Variants in RORA observed in about 807,000 individuals in gnomAD.
RORA encodes the protein RAR related orphan receptor A, also known as nuclear receptor ROR-alpha.
RORA carries 7 observed loss-of-function variants against 69.5 expected under a neutral mutation model. The ratio of observed to expected loss-of-function variants is 0.10; its 90% CI spans 0.06 to 0.19. The LOEUF (loss-of-function observed/expected upper bound fraction) is 0.19. Among genes scored for constraint, RORA ranks in the 10% least tolerant of loss-of-function variants. RORA has a pLI of 1.00. For missense variants in RORA, 457 were observed against 663.0 expected (o/e 0.69, Z 3.41); for synonymous variants, 261 against 240.8 (o/e 1.08, Z -0.78).
chr15:61,096,127 A>G (rs961423836), intron 1 of RORA, among the ~76,000 whole-genome samples: 24 of 152,210 alleles, frequency 1.6e-4, no homozygotes, highest in African/African-American at 5.8e-4. Flanking sequence ...GCAAGACCCC[A>G]TGCGGACAGC....
intron 1 of RORA, among the ~76,000 whole-genome samples, chr15:61,025,244 C>T (rs1290937599): frequency 6.6e-6 from 1 of 152,200 alleles, no homozygotes. Flanking sequence ...TCTCCACAGG[C>T]TTCTCAAATC....
chr15:60,835,622 TATGA>T (rs1205481570), intron 1 of RORA, among the ~76,000 whole-genome samples: 2 of 152,204 alleles, frequency 1.3e-5, no homozygotes, highest in Non-Finnish European at 2.9e-5. Context: ...GATTTCAGGT[TATGA>T]CCATCTCTAT....
intron 1 of RORA, among the ~76,000 whole-genome samples, chr15:61,058,843 T>C (rs1312748151): frequency 6.6e-6 from 1 of 152,158 alleles, no homozygotes; most frequent in Non-Finnish European, 1.5e-5. Flanking sequence ...TGTTTAAGCA[T>C]CCAAAGCCCA....
At chr15:60,910,081 T>C (rs940034178) in intron 1 of RORA, among the ~76,000 whole-genome samples, 1 of 152,174 alleles carries the variant, frequency 6.6e-6, no homozygotes, top group African/African-American at 2.4e-5. Flanking sequence ...CTACCCAACA[T>C]GCCAATAAAA....
intron 1 of RORA, among the ~76,000 whole-genome samples, chr15:60,759,885 C>T (rs531052247): frequency 6.6e-6 from 1 of 152,110 alleles, no homozygotes; most frequent in South Asian, 2.1e-4. Context: ...CTATTTTCCC[C>T]CATTGAGGAG....
At chr15:60,499,780 G>C in intron 10 of RORA, 112 bp downstream of exon 10, 1 of 617,062 alleles carries the variant, frequency 1.6e-6, no homozygotes, top group South Asian at 2.3e-5. Flanking sequence ...GTAGCCTGTT[G>C]CCTTCTGATA....
At chr15:60,906,641 C>T (rs1265539267) in intron 1 of RORA, among the ~76,000 whole-genome samples, 3 of 152,136 alleles carry the variant, frequency 2.0e-5, no homozygotes, top group Admixed American at 1.3e-4. Flanking sequence ...CAGAGGCAAA[C>T]AAGTGATTTA....
chr15:60,901,368 C>T (rs938180722), intron 1 of RORA, among the ~76,000 whole-genome samples: 11 of 152,274 alleles, frequency 7.2e-5, no homozygotes, highest in African/African-American at 2.4e-4. Flanking sequence ...GATGGGGTTT[C>T]GCCATGCTGG....
chr15:60,889,033 G>A lies in RORA; in HGVS notation c.167-210347C>T, dbSNP rs970397624. ...TCACGCTGTTTAAGAGATGCTTAAG[G>A]AAAATGGGGCCACCTCAGAGGCACC... On this transcript the variant is annotated intron_variant, in intron 1 of 10. Transcript: ENST00000335670. 4.6e-5 allele frequency among the ~76,000 whole-genome samples: 7 copies of A among 152,210 alleles called. No individual in the cohort carries two copies. The South Asian group carries it at 6.2e-4, about 14-fold the overall frequency.
chr15:60,906,329 A>G (rs2140473670), intron 1 of RORA, among the ~76,000 whole-genome samples: 1 of 152,358 alleles, frequency 6.6e-6, no homozygotes, highest in South Asian at 2.1e-4. Context: ...ATTAACTACC[A>G]GGGGCTGAGC....
At position 60,578,877 on chromosome 15, in the gene RORA, C is replaced by G. The variant is rs185789159; in HGVS notation, c.197-47026G>C. Reference sequence around the variant, plus strand: ...CTCCCAGGTTCAAGCCATTCTCCTGCCTCAGCCTCCTGAGTAGCTGGGACT... The same window carrying G: ...CTCCCAGGTTCAAGCCATTCTCCTGGCTCAGCCTCCTGAGTAGCTGGGACT... On this transcript the variant is annotated intron_variant, in intron 2 of 10. Coordinates refer to ENST00000335670, the MANE Select transcript of RORA (RefSeq NM_134261.3). Among the ~76,000 whole-genome samples, 383 of 151,610 alleles carry G rather than the reference C, an allele frequency of 2.5e-3. 12 individuals are homozygous for G. The East Asian group carries it at 0.064, about 25-fold the overall frequency.
chr15:60,951,356 A>C (rs1264808864), intron 1 of RORA, among the ~76,000 whole-genome samples: 1 of 135,196 alleles, frequency 7.4e-6, no homozygotes, highest in Non-Finnish European at 1.6e-5. Flanking sequence ...CAAAATTGAC[A>C]CCCTAACATC....
chr15:60,707,629 C>T (rs578014695), intron 1 of RORA, among the ~76,000 whole-genome samples: 18 of 152,260 alleles, frequency 1.2e-4, no homozygotes, highest in African/African-American at 3.9e-4. Context: ...TCCCAAAGTG[C>T]TGGGATTACA....
intron 2 of RORA, among the ~76,000 whole-genome samples, chr15:60,664,923 A>G (rs2070358658): frequency 6.6e-6 from 1 of 152,216 alleles, no homozygotes; most frequent in Non-Finnish European, 1.5e-5. Flanking sequence ...GAAGCTGCAT[A>G]TGAAGGCTAA....
chr15:60,585,874 T>C (rs1440117853), intron 2 of RORA, among the ~76,000 whole-genome samples: 2 of 152,204 alleles, frequency 1.3e-5, no homozygotes, highest in African/African-American at 4.8e-5. Context: ...AAATGTCTCA[T>C]TCCAATTAAG....
intron 1 of RORA, among the ~76,000 whole-genome samples, chr15:60,744,593 T>A (rs905498690): frequency 1.3e-5 from 2 of 152,208 alleles, no homozygotes; most frequent in Non-Finnish European, 2.9e-5. Flanking sequence ...GGGGCAAGAA[T>A]GGTGCTATGT....
intron 1 of RORA, among the ~76,000 whole-genome samples, chr15:60,685,358 C>T (rs561383437): frequency 1.3e-5 from 2 of 152,196 alleles, no homozygotes; most frequent in South Asian, 4.1e-4. Context: ...CAAATTTACA[C>T]GCAGTGCATG....
chr15:60,787,425 T>C (rs341460), intron 1 of RORA, among the ~76,000 whole-genome samples: 149 of 152,298 alleles, frequency 9.8e-4, no homozygotes, highest in African/African-American at 3.5e-3. Flanking sequence ...GCGGTCAAGG[T>C]GGAGGGATGG....
At position 61,118,032 on chromosome 15, in the gene RORA, A is replaced by G. The variant is rs560865931; in HGVS notation, c.166+111021T>C. Among the ~76,000 whole-genome samples, 68 of 152,348 alleles carry G rather than the reference A, an allele frequency of 4.5e-4. No homozygotes were observed. The South Asian group carries it at 0.014, about 31-fold the overall frequency. On this transcript the variant is annotated intron_variant, in intron 1 of 10. Coordinates refer to ENST00000335670, the MANE Select transcript of RORA (RefSeq NM_134261.3). ...TCAACAAAGGCGTATTCGGTTTGAC[A>G]CCAAGGTACTGTGCTGGGCATTAGT...
Sources: allele counts gnomAD v4.1 joint callset (sites outside exome capture counted in the v4.1 genomes callset), GRCh38; gene constraint gnomAD v4.1.1; transcripts MANE v1.5; gene names NCBI Gene and HGNC (gene_info 2026-07-23, HGNC 2026-07-21).